The following SYNE1 variants were observed in gnomAD, a reference collection of about 807,000 sequenced individuals.
SYNE1 encodes spectrin repeat containing nuclear envelope protein 1, also known as nesprin-1.
Under a neutral mutation model 1,111.0 loss-of-function variants are expected in SYNE1, and 616 were observed. The ratio of observed to expected loss-of-function variants is 0.55; its 90% confidence interval spans 0.52 to 0.59. The LOEUF (loss-of-function observed/expected upper bound fraction) is 0.59. SYNE1 is among the 20% of genes least tolerant of loss of function. The probability of loss-of-function intolerance (pLI) is 0.00; values close to 1 mark genes in which losing one functional copy is unlikely to be tolerated. For synonymous variants in SYNE1, 3,855 were observed against 3,825.8 expected (o/e 1.01, Z -0.28); for missense variants, 10,006 against 10,417.0 (o/e 0.96, Z 1.72).
At chr6:152,547,374 C>T (rs1053396440) in intron 3 of SYNE1, among the ~76,000 whole-genome samples, 4 of 152,178 alleles carry the variant, frequency 2.6e-5, no homozygotes, top group East Asian at 1.9e-4. Flanking sequence ...GTGAGGGAAC[C>T]GCCATTGGAA....
chr6:152,134,681 AAAAAACAACGACAAC>A, intron 142 of SYNE1: 1 of 222,146 alleles, frequency 4.5e-6, no homozygotes. Context: ...ACTCTGTCTC[AAAAAACAACGACAAC>A]AAAAACAAAC....
At chr6:152,413,662 A>G (rs2098107282) in intron 41 of SYNE1, 131 bp from the exon 42 acceptor site, 12 of 915,264 alleles carry the variant, frequency 1.3e-5, no homozygotes, top group Non-Finnish European at 2.0e-5. Flanking sequence ...CACAGAAATT[A>G]AATTAATGTT....
intron 133 of SYNE1, among the ~76,000 whole-genome samples, chr6:152,152,387 C>T (rs573562731): frequency 2.0e-4 from 31 of 152,212 alleles, no homozygotes; most frequent in South Asian, 1.2e-3. Flanking sequence ...TAAACACACA[C>T]GCATCCAACA....
intron 49 of SYNE1, among the ~76,000 whole-genome samples, chr6:152,398,133 T>C (rs1056747728): frequency 6.6e-6 from 1 of 152,190 alleles, no homozygotes; most frequent in Non-Finnish European, 1.5e-5. Flanking sequence ...TTAACTCTAC[T>C]TCACCATGGC....
At chr6:152,408,912 C>T (rs1211908168) in intron 44 of SYNE1, among the ~76,000 whole-genome samples, 156 bp downstream of exon 44, 2 of 151,774 alleles carry the variant, frequency 1.3e-5, no homozygotes, top group Non-Finnish European at 2.9e-5. Flanking sequence ...TGAGATTGCG[C>T]CATTGCACTC....
At chr6:152,140,189 G>T (rs777732194) in intron 139 of SYNE1, 28 bp from the exon 140 acceptor site, 12 of 1,609,190 alleles carry the variant, frequency 7.5e-6, no homozygotes, top group South Asian at 1.1e-5. Flanking sequence ...GAACAGTGAG[G>T]TTATTTTCCT....
chr6:152,366,310 C>T (rs2097077666), intron 62 of SYNE1, among the ~76,000 whole-genome samples: 2 of 151,928 alleles, frequency 1.3e-5, no homozygotes, highest in Admixed American at 6.6e-5. Flanking sequence ...CCAGCCTGGG[C>T]AACAAGAGCA....
intron 9 of SYNE1, among the ~76,000 whole-genome samples, chr6:152,503,354 C>A (rs949838887): frequency 6.6e-6 from 1 of 152,092 alleles, no homozygotes; most frequent in African/African-American, 2.4e-5. Flanking sequence ...AAGCACTCTT[C>A]GAGGGAAACT....
At chr6:152,587,389 AT>A (rs1053353750) in intron 3 of SYNE1, among the ~76,000 whole-genome samples, 11 of 152,306 alleles carry the variant, frequency 7.2e-5, no homozygotes, top group African/African-American at 2.6e-4. Flanking sequence ...TCTAACCAAT[AT>A]CCCATTTTTA....
intron 111 of SYNE1, 28 bp downstream of exon 111, chr6:152,234,640 A>T: frequency 1.2e-6 from 2 of 1,614,096 alleles, no homozygotes; most frequent in Non-Finnish European, 1.7e-6. Context: ...ATAGGCCTGA[A>T]TCAAATGCTT....
chr6:152,215,710 A>T (rs1264662433), intron 121 of SYNE1, among the ~76,000 whole-genome samples: 2 of 152,206 alleles, frequency 1.3e-5, no homozygotes, highest in Non-Finnish European at 2.9e-5. Flanking sequence ...TACAAGTAAG[A>T]ACTCATTTTA....
chr6:152,481,457 T>G (rs1178606133), intron 14 of SYNE1: 1 of 326,194 alleles, frequency 3.1e-6, no homozygotes, highest in Non-Finnish European at 6.2e-6. Context: ...TAAAATAGTT[T>G]CATATGTAGG....
At chr6:152,371,997 A>G (rs1302088194) in intron 59 of SYNE1, among the ~76,000 whole-genome samples, 1 of 152,052 alleles carries the variant, frequency 6.6e-6, no homozygotes, top group Non-Finnish European at 1.5e-5. Flanking sequence ...AAGGAAAGGA[A>G]AGAATCAAGT....
Position 152,381,195 on chromosome 6 carries a change from C to T in SYNE1, c.8820G>A (p.Thr2940=). The part of the protein sequence containing the change: ...WKQWEDSVFQ[T]QSCLENLVSQ... ...TGACCAGGTTCTCCAAACAGCTCTG[C>T]GTTTGGAATACACTGTCTTCCCACT... The change falls in exon 56 of 146, where the codon ACG becomes ACA. Residue 2940 remains threonine (T), a synonymous_variant. Coordinates refer to ENST00000367255, the MANE Select transcript of SYNE1 (RefSeq NM_182961.4). The T allele has an allele frequency of 2.5e-6, 4 of 1,614,194 alleles. No homozygotes were observed. The highest frequency in any genetic ancestry group is 1.1e-5 in the South Asian group (1 of 91,086).
intron 8 of SYNE1, among the ~76,000 whole-genome samples, chr6:152,506,921 C>T (rs563217901): frequency 2.2e-4 from 33 of 152,266 alleles, no homozygotes; most frequent in African/African-American, 7.9e-4. Context: ...CACTTTAAAA[C>T]ATGTTTTACC....
intron 98 of SYNE1, among the ~76,000 whole-genome samples, chr6:152,276,204 T>G (rs551547067): frequency 5.5e-4 from 83 of 151,962 alleles, no homozygotes; most frequent in East Asian, 1.4e-3. Context: ...CCGGCTAATT[T>G]TTGTATTTTT....
chr6:152,321,494 G>C (rs2095867838), intron 83 of SYNE1, 104 bp from the exon 84 acceptor site: 2 of 1,402,598 alleles, frequency 1.4e-6, no homozygotes, highest in African/African-American at 2.9e-5. Flanking sequence ...TGTGGAATTA[G>C]AAAAATATCT....
chr6:152,282,051 A>T, intron 96 of SYNE1, 71 bp from the exon 97 acceptor site: 1 of 1,520,412 alleles, frequency 6.6e-7, no homozygotes. Flanking sequence ...ACAGTAAAGC[A>T]ATGGTTCCAG....
chr6:152,201,338 A>G (rs1412479136), intron 127 of SYNE1, among the ~76,000 whole-genome samples: 1 of 152,082 alleles, frequency 6.6e-6, no homozygotes, highest in Non-Finnish European at 1.5e-5. Context: ...TAGAGCCCTG[A>G]GCAATTTAGG....
Sources: gnomAD v4.1 joint callset for allele counts (sites outside exome capture counted in the v4.1 genomes callset) on GRCh38, gnomAD v4.1.1 for gene constraint, MANE v1.5 for transcripts, NCBI Gene and HGNC (gene_info 2026-07-23, HGNC 2026-07-21) for gene names.